Variants in COMMD10 observed in about 807,000 individuals in gnomAD.
COMMD10 encodes COMM domain containing 10, also known as COMM domain-containing protein 10.
In COMMD10, 33 loss-of-function variants were observed where a neutral mutation model predicts 28.9. The ratio of observed to expected loss-of-function variants is 1.14; its 90% CI spans 0.87 to 1.53. The LOEUF (loss-of-function observed/expected upper bound fraction) is 1.53, where lower values mean the gene tolerates loss of function less well. Ranked by LOEUF, COMMD10 falls within the 40% of genes most tolerant of loss-of-function variation. The pLI, the probability that COMMD10 is intolerant of heterozygous loss-of-function variation, is 0.00. For missense variants in COMMD10, 310 were observed against 233.4 expected (o/e 1.33, Z -2.14); for synonymous variants, 110 against 81.7 (o/e 1.35, Z -1.87).
At chr5:116,183,440 T>A (rs1748039979) in intron 5 of COMMD10, among the ~76,000 whole-genome samples, 1 of 152,144 alleles carries the variant, frequency 6.6e-6, no homozygotes, top group African/African-American at 2.4e-5. Context: ...AATTCAATCT[T>A]GTTTTTATTT....
chr5:116,108,093 T>C (rs1318344302), intron 4 of COMMD10, among the ~76,000 whole-genome samples: 1 of 152,200 alleles, frequency 6.6e-6, no homozygotes, highest in African/African-American at 2.4e-5. Context: ...AGCTCTCCTG[T>C]ATGAGGTGTC....
chr5:116,246,001 A>G (rs1749943008), intron 5 of COMMD10, among the ~76,000 whole-genome samples: 2 of 152,310 alleles, frequency 1.3e-5, no homozygotes, highest in African/African-American at 4.8e-5. Context: ...TAGGCCAGAG[A>G]AAGAAATAAA....
At chr5:116,226,243 G>A (rs965199653) in intron 5 of COMMD10, among the ~76,000 whole-genome samples, 1 of 151,828 alleles carries the variant, frequency 6.6e-6, no homozygotes. Flanking sequence ...GTATGACCAC[G>A]TCAGTTTTTC....
chr5:116,200,745 T>C (rs1444570381), intron 5 of COMMD10, among the ~76,000 whole-genome samples: 1 of 152,136 alleles, frequency 6.6e-6, no homozygotes, highest in East Asian at 1.9e-4. Flanking sequence ...TTTTGGTCTC[T>C]AGCATTTCTT....
chr5:116,218,543 A>T (rs989736573), intron 5 of COMMD10, among the ~76,000 whole-genome samples: 2 of 152,136 alleles, frequency 1.3e-5, no homozygotes, highest in East Asian at 3.8e-4. Flanking sequence ...GCAAAATGCA[A>T]TTTTCTAAAG....
intron 5 of COMMD10, among the ~76,000 whole-genome samples, chr5:116,177,554 G>T (rs900872810): frequency 2.0e-5 from 3 of 148,754 alleles, no homozygotes; most frequent in African/African-American, 7.6e-5. Flanking sequence ...AGAATAATGT[G>T]ACTTTGTAGG....
At chr5:116,126,462 G>A (rs963434255) in intron 4 of COMMD10, among the ~76,000 whole-genome samples, 1 of 152,054 alleles carries the variant, frequency 6.6e-6, no homozygotes, top group Non-Finnish European at 1.5e-5. Context: ...AGCCCTCATT[G>A]CCAAGTCAAT....
At position 116,249,560 on chromosome 5, in the gene COMMD10, ACAAGT is replaced by A. The variant is rs1750051284; in HGVS notation, c.511-41952_511-41948del. On this transcript the variant is annotated intron_variant, in intron 5 of 6. Coordinates refer to ENST00000274458, the MANE Select transcript of COMMD10 (RefSeq NM_016144.4). ...CTAGAGAATTCAAAAATGAGAAGAG[ACAAGT>A]CAAGGTAAATTCCCTCATATTCACA... 2.6e-5 allele frequency among the ~76,000 whole-genome samples: 4 copies of A among 152,088 alleles called. No homozygotes were observed. In the South Asian group the frequency reaches 8.3e-4, roughly 32 times the overall value.
intron 5 of COMMD10, among the ~76,000 whole-genome samples, chr5:116,245,831 C>T (rs1290822036): frequency 6.6e-6 from 1 of 152,040 alleles, no homozygotes; most frequent in Non-Finnish European, 1.5e-5. Flanking sequence ...ATTGAAGGAA[C>T]ATACTTCAAA....
At chr5:116,207,715 G>A (rs1748849781) in intron 5 of COMMD10, among the ~76,000 whole-genome samples, 1 of 152,078 alleles carries the variant, frequency 6.6e-6, no homozygotes, top group Non-Finnish European at 1.5e-5. Flanking sequence ...TAGTAGAGAT[G>A]AGGTTTCACC....
chr5:116,107,519 C>T (rs1011783711), intron 4 of COMMD10, among the ~76,000 whole-genome samples: 2 of 152,090 alleles, frequency 1.3e-5, no homozygotes, highest in African/African-American at 4.8e-5. Context: ...CTGTGTTTTT[C>T]AGCTCCAAGA....
chr5:116,132,758 G>A (rs1751899492), intron 4 of COMMD10, among the ~76,000 whole-genome samples: 1 of 152,080 alleles, frequency 6.6e-6, no homozygotes, highest in Non-Finnish European at 1.5e-5. Context: ...GTGGCAGGCT[G>A]GTATCAGAGA....
chr5:116,154,719 C>T (rs563720072), intron 5 of COMMD10, among the ~76,000 whole-genome samples: 2 of 152,074 alleles, frequency 1.3e-5, no homozygotes, highest in Non-Finnish European at 2.9e-5. Flanking sequence ...CCAGCCTTGA[C>T]CACAGAACTT....
At chr5:116,104,274 C>T (rs760376775) in intron 4 of COMMD10, among the ~76,000 whole-genome samples, 3 of 152,174 alleles carry the variant, frequency 2.0e-5, no homozygotes, top group Non-Finnish European at 4.4e-5. Context: ...TCTTCCTATC[C>T]ATGAGCATGG....
At chr5:116,153,343 A>G (rs1752599632) in intron 5 of COMMD10, among the ~76,000 whole-genome samples, 1 of 151,938 alleles carries the variant, frequency 6.6e-6, no homozygotes, top group South Asian at 2.1e-4. Flanking sequence ...ATTTCTTCAT[A>G]ATATTATATA....
chr5:116,115,542 T>C (rs945335797), intron 4 of COMMD10, among the ~76,000 whole-genome samples: 7 of 152,216 alleles, frequency 4.6e-5, no homozygotes, highest in African/African-American at 7.2e-5. Flanking sequence ...CTCTTGAATC[T>C]GTGTTGACTG....
intron 5 of COMMD10, among the ~76,000 whole-genome samples, chr5:116,277,345 CAGGTAATT>C (rs760330300): frequency 6.6e-6 from 1 of 151,872 alleles, no homozygotes; most frequent in Non-Finnish European, 1.5e-5. Flanking sequence ...GAATCATAAT[CAGGTAATT>C]AGGTTAGCAG....
At chr5:116,138,376 C>G (rs936459575) in intron 5 of COMMD10, among the ~76,000 whole-genome samples, 11 of 151,708 alleles carry the variant, frequency 7.3e-5, no homozygotes, top group Non-Finnish European at 1.3e-4. Context: ...GTAACTAGTT[C>G]TAGGCCCATT....
intron 4 of COMMD10, among the ~76,000 whole-genome samples, chr5:116,126,117 A>G (rs1355926153): frequency 6.6e-6 from 1 of 152,036 alleles, no homozygotes; most frequent in African/African-American, 2.4e-5. Flanking sequence ...AATCACAGGC[A>G]TTCCTATACG....
Sources: allele counts gnomAD v4.1 joint callset (sites outside exome capture counted in the v4.1 genomes callset), GRCh38; gene constraint gnomAD v4.1.1; transcripts MANE v1.5; gene names NCBI Gene and HGNC (gene_info 2026-07-23, HGNC 2026-07-21).